The following ADGRL3 variants were observed in gnomAD, a reference collection of about 807,000 sequenced individuals.
ADGRL3 encodes the protein adhesion G protein-coupled receptor L3, also known as calcium-independent alpha-latrotoxin receptor 3.
ADGRL3 carries 62 observed loss-of-function variants against 153.5 expected under a neutral mutation model. That is an observed-to-expected ratio of 0.40 (90% CI 0.33 to 0.50). The LOEUF is 0.50. ADGRL3 is among the 20% of genes least tolerant of loss of function. The probability of loss-of-function intolerance (pLI) is 0.47; values close to 1 mark genes in which losing one functional copy is unlikely to be tolerated. For synonymous variants in ADGRL3, 710 were observed against 672.5 expected (o/e 1.06, Z -0.86); for missense variants, 1,641 against 1,859.4 (o/e 0.88, Z 2.16).
chr4:61,976,578 A>C (rs1450916856), intron 17 of ADGRL3, among the ~76,000 whole-genome samples: 1 of 151,738 alleles, frequency 6.6e-6, no homozygotes, highest in Non-Finnish European at 1.5e-5. Flanking sequence ...CTCAGAAAAA[A>C]CCCTCTGTGA....
chr4:61,580,174 CTT>C (rs757269130), intron 4 of ADGRL3, among the ~76,000 whole-genome samples: 66 of 149,182 alleles, frequency 4.4e-4, no homozygotes, highest in Non-Finnish European at 8.5e-4. Flanking sequence ...GTAAGAAACT[CTT>C]TTAGAATCAT....
At chr4:61,273,000 C>T (rs1487332831) in intron 1 of ADGRL3, among the ~76,000 whole-genome samples, 1 of 152,108 alleles carries the variant, frequency 6.6e-6, no homozygotes, top group African/African-American at 2.4e-5. Context: ...AAGTTACCTA[C>T]ACTCTCTACT....
chr4:61,377,345 C>T (rs1238512054), intron 1 of ADGRL3, among the ~76,000 whole-genome samples: 1 of 152,046 alleles, frequency 6.6e-6, no homozygotes, highest in African/African-American at 2.4e-5. Context: ...ACTCAGCCTT[C>T]TATAAGCAAA....
intron 8 of ADGRL3, among the ~76,000 whole-genome samples, chr4:61,761,641 A>C (rs2152201198): frequency 6.6e-6 from 1 of 152,300 alleles, no homozygotes; most frequent in East Asian, 1.9e-4. Flanking sequence ...ACAAAATTTT[A>C]AAATTTAGCC....
At chr4:61,451,358 A>T (rs928405581) in intron 2 of ADGRL3, among the ~76,000 whole-genome samples, 2 of 152,144 alleles carry the variant, frequency 1.3e-5, no homozygotes, top group African/African-American at 4.8e-5. Flanking sequence ...AAAAAGGGCA[A>T]AATATGAGTT....
At chr4:61,277,896 A>G (rs1356017847) in intron 1 of ADGRL3, among the ~76,000 whole-genome samples, 1 of 152,222 alleles carries the variant, frequency 6.6e-6, no homozygotes, top group Non-Finnish European at 1.5e-5. Context: ...CTTAACTGGC[A>G]TATAGACAGA....
chr4:61,716,923 T>C (rs1030660534), intron 6 of ADGRL3, among the ~76,000 whole-genome samples: 8 of 152,168 alleles, frequency 5.3e-5, no homozygotes, highest in African/African-American at 9.6e-5. Flanking sequence ...AAGGAGTTCA[T>C]ATTTTCTGTG....
At chr4:61,777,880 G>C (rs1175261714) in intron 8 of ADGRL3, among the ~76,000 whole-genome samples, 1 of 152,092 alleles carries the variant, frequency 6.6e-6, no homozygotes, top group African/African-American at 2.4e-5. Context: ...GTAACACATT[G>C]AATCTACTCT....
chr4:61,489,440 T>G (rs2098233516), intron 2 of ADGRL3, among the ~76,000 whole-genome samples: 1 of 152,032 alleles, frequency 6.6e-6, no homozygotes, highest in Non-Finnish European at 1.5e-5. Context: ...ATATTTATTA[T>G]AGACGAAATT....
intron 8 of ADGRL3, among the ~76,000 whole-genome samples, chr4:61,799,734 T>C (rs911894743): frequency 1.3e-5 from 2 of 152,194 alleles, no homozygotes; most frequent in Non-Finnish European, 2.9e-5. Context: ...CAGAAGGGAT[T>C]TGATTAACCA....
chr4:61,248,762 A>G (rs543618548), intron 1 of ADGRL3, among the ~76,000 whole-genome samples: 1 of 152,180 alleles, frequency 6.6e-6, no homozygotes, highest in Non-Finnish European at 1.5e-5. Flanking sequence ...TGAAATGTTC[A>G]GAGTGCTGGA....
intron 8 of ADGRL3, 22 bp from the exon 9 acceptor site, chr4:61,813,787 A>T (rs752083507): frequency 1.9e-6 from 3 of 1,606,724 alleles, no homozygotes; most frequent in Non-Finnish European, 2.6e-6. Flanking sequence ...TGTCTTCTTA[A>T]CAATTTGTTT....
At chr4:61,645,059 G>C (rs2093901993) in intron 5 of ADGRL3, among the ~76,000 whole-genome samples, 1 of 151,908 alleles carries the variant, frequency 6.6e-6, no homozygotes, top group Admixed American at 6.6e-5. Context: ...TGTCTCTTTT[G>C]ATCTTTGTTG....
intron 5 of ADGRL3, among the ~76,000 whole-genome samples, chr4:61,610,499 A>G (rs2099048709): frequency 6.6e-6 from 1 of 152,208 alleles, no homozygotes; most frequent in Non-Finnish European, 1.5e-5. Context: ...TTGGTGAAAT[A>G]CAACTTAACC....
chr4:62,006,034 T>TATATATATA (rs1560495406), intron 21 of ADGRL3, among the ~76,000 whole-genome samples: 2 of 94,604 alleles, frequency 2.1e-5, no homozygotes, highest in African/African-American at 7.8e-5. Flanking sequence ...ATATATATAT[T>TATATATATA]TTTTTTTTTT....
At chr4:61,747,298 A>G in intron 8 of ADGRL3, among the ~76,000 whole-genome samples, 1 of 150,956 alleles carries the variant, frequency 6.6e-6, no homozygotes, top group African/African-American at 2.5e-5. Context: ...AACTGGTACC[A>G]TTCCTTCTGA....
chr4:61,328,591 A>C (rs1363674916), intron 1 of ADGRL3, among the ~76,000 whole-genome samples: 1 of 152,184 alleles, frequency 6.6e-6, no homozygotes, highest in African/African-American at 2.4e-5. Flanking sequence ...ATTTTTAAAC[A>C]TATGCATTTA....
At chr4:61,208,935 A>G (rs1218019693) in intron 1 of ADGRL3, among the ~76,000 whole-genome samples, 4 of 152,128 alleles carry the variant, frequency 2.6e-5, no homozygotes, top group Non-Finnish European at 5.9e-5. Flanking sequence ...GAGTGGTCGT[A>G]TGTCTAGTGA....
chr4:61,985,170 TA>T (rs2099080974), intron 19 of ADGRL3, among the ~76,000 whole-genome samples: 1 of 152,076 alleles, frequency 6.6e-6, no homozygotes, highest in African/African-American at 2.4e-5. Flanking sequence ...AAATACTAGA[TA>T]AATTAATTGC....
Sources: allele counts gnomAD v4.1 joint callset (sites outside exome capture counted in the v4.1 genomes callset), GRCh38; gene constraint gnomAD v4.1.1; transcripts MANE v1.5; gene names NCBI Gene and HGNC (gene_info 2026-07-23, HGNC 2026-07-21).